Variants in NCOR1 observed in about 807,000 individuals in gnomAD.
The protein encoded by NCOR1 is protein phosphatase 1, regulatory subunit 109.
Under a neutral mutation model 288.1 loss-of-function variants are expected in NCOR1, and 63 were observed. The observed-to-expected ratio is 0.22, with a 90% CI of 0.18 to 0.27. NCOR1 has a LOEUF of 0.27. Among genes scored for constraint, NCOR1 ranks in the 10% least tolerant of loss-of-function variants. The pLI, the probability that NCOR1 is intolerant of heterozygous loss-of-function variation, is 1.00. For synonymous variants in NCOR1, 1,007 were observed against 1,065.9 expected (o/e 0.94, Z 1.08); for missense variants, 2,397 against 3,019.2 (o/e 0.79, Z 4.83).
intron 3 of NCOR1, among the ~76,000 whole-genome samples, chr17:16,179,556 C>A (rs1325865257): frequency 6.6e-6 from 1 of 152,138 alleles, no homozygotes; most frequent in Non-Finnish European, 1.5e-5. Flanking sequence ...AAAATATATA[C>A]CAACTCCTCC....
At chr17:16,143,733 A>T in intron 10 of NCOR1, 37 bp from the exon 11 acceptor site, 1 of 1,441,462 alleles carries the variant, frequency 6.9e-7, no homozygotes, top group Non-Finnish European at 9.6e-7. Flanking sequence ...ATATTTAAAG[A>T]CCTTATATAA....
Position 16,203,959 on chromosome 17 carries a change from A to T in NCOR1, c.-70-9320T>A, listed in dbSNP as rs182512200. On this transcript the variant is annotated intron_variant, in intron 1 of 45. Transcript: ENST00000268712. ...TATGATTTCTTTTTGAATGTCACAG[A>T]ATGATTCTAAAGTTCATCTAGAAGA... Among the ~76,000 whole-genome samples, 421 of 152,300 alleles carry T rather than the reference A, an allele frequency of 2.8e-3. 2 individuals are homozygous for T. The highest frequency in any genetic ancestry group is 9.6e-3 in the African/African-American group (399 of 41,572).
At chr17:16,206,431 G>C (rs1384874412) in intron 1 of NCOR1, among the ~76,000 whole-genome samples, 6 of 151,940 alleles carry the variant, frequency 3.9e-5, no homozygotes, top group African/African-American at 1.2e-4. Context: ...TGTCGCCCAG[G>C]CTGGAGTCCA....
At chr17:16,185,030 G>C (rs895131484) in intron 3 of NCOR1, among the ~76,000 whole-genome samples, 28 of 140,390 alleles carry the variant, frequency 2.0e-4, no homozygotes, top group African/African-American at 7.3e-4. Context: ...AAAAAAAAAG[G>C]AACTATACAA....
chr17:16,127,330 TATATATAC>T (rs2074473692), intron 14 of NCOR1, among the ~76,000 whole-genome samples: 1 of 56,514 alleles, frequency 1.8e-5, no homozygotes, highest in African/African-American at 4.4e-5. Context: ...TATATGTATG[TATATATAC>T]ATGTATGTAT....
intron 35 of NCOR1, among the ~76,000 whole-genome samples, chr17:16,062,947 G>T (rs149040129): frequency 4.6e-5 from 7 of 152,174 alleles, no homozygotes; most frequent in African/African-American, 1.7e-4. Flanking sequence ...ACTACTTCAC[G>T]CAGAGGATTC....
At chr17:16,086,533 C>T in intron 22 of NCOR1, 91 bp from the exon 23 acceptor site, 2 of 1,164,562 alleles carry the variant, frequency 1.7e-6, no homozygotes, top group Non-Finnish European at 1.2e-6. Context: ...ATTTTTAAAT[C>T]ACTAATTAAA....
At position 16,068,033 on chromosome 17, in the gene NCOR1, T is replaced by A; in HGVS notation, c.4602A>T (p.Pro1534=). ...TQRESIPAKS[P]VPGVDPVVSH... ...TCACGACAGGGTCCACCCCAGGCAC[T>A]GGAGACTTCGCTGGGATACTTTCCC... Residue 1534 remains proline, a synonymous_variant, in exon 32 of 46, where the codon CCA becomes CCT. Coordinates refer to ENST00000268712, the MANE Select transcript of NCOR1 (RefSeq NM_006311.4). The A allele has an allele frequency of 6.2e-7, 1 of 1,614,200 alleles. No individual in the cohort carries two copies. Among genetic ancestry groups the A allele is most frequent in the Non-Finnish European group, 8.5e-7 (1 of 1,180,036 alleles).
At chr17:16,150,035 G>T (rs1478484576) in intron 8 of NCOR1, among the ~76,000 whole-genome samples, 1 of 152,050 alleles carries the variant, frequency 6.6e-6, no homozygotes, top group Non-Finnish European at 1.5e-5. Flanking sequence ...GTAATGGAGG[G>T]CAATGTGTCA....
intron 1 of NCOR1, among the ~76,000 whole-genome samples, chr17:16,212,232 C>A (rs576951150): frequency 6.6e-6 from 1 of 151,814 alleles, no homozygotes; most frequent in African/African-American, 2.4e-5. Flanking sequence ...CGCCACTGCC[C>A]TCCAGCCTGG....
chr17:16,199,243 A>ACACACT (rs2090430960), intron 1 of NCOR1, among the ~76,000 whole-genome samples: 1 of 143,702 alleles, frequency 7.0e-6, no homozygotes, highest in African/African-American at 2.5e-5. Context: ...ACACACACAC[A>ACACACT]CTAGCAAAAT....
chr17:16,127,580 T>TACAC (rs1568206150), intron 14 of NCOR1, among the ~76,000 whole-genome samples: 53 of 134,636 alleles, frequency 3.9e-4, no homozygotes, highest in African/African-American at 1.7e-3. Flanking sequence ...TATATATACA[T>TACAC]ATGTGTATAT....
intron 2 of NCOR1, among the ~76,000 whole-genome samples, chr17:16,187,795 T>C (rs1458260744): frequency 6.6e-6 from 1 of 150,966 alleles, no homozygotes; most frequent in Non-Finnish European, 1.5e-5. Flanking sequence ...GGCTACTCTG[T>C]AGGCTAAGGT....
rs534153199 is a variant in NCOR1 at position 16,031,068 on chromosome 17, A to C, written c.*1228T>G. 22 of 192,954 alleles carry C rather than the reference A, an allele frequency of 1.1e-4. No individual in the cohort carries two copies. The highest frequency in any genetic ancestry group is 5.1e-4 in the African/African-American group (22 of 43,238). The allele number at this position is 192,954 out of a possible 1,614,324, so 12.0% of individuals were successfully genotyped here. A position where few individuals can be genotyped will look rare whatever the true frequency, so the allele number is the denominator to read the frequency against. ...AAAATTCAGCAAGCAATTCTTAATG[A>C]AAGATAAAACTGGCCCTCTAGTACC... is the stretch of plus-strand genomic sequence containing the variant. On this transcript the variant is annotated 3_prime_UTR_variant, in exon 46 of 46. Coordinates refer to ENST00000268712, the MANE Select transcript of NCOR1 (RefSeq NM_006311.4).
intron 1 of NCOR1, among the ~76,000 whole-genome samples, chr17:16,208,369 A>G (rs2091802681): frequency 6.6e-6 from 1 of 151,292 alleles, no homozygotes; most frequent in Non-Finnish European, 1.5e-5. Context: ...ACCGTTCTGT[A>G]TTTCTAACTC....
intron 8 of NCOR1, among the ~76,000 whole-genome samples, chr17:16,150,351 T>C (rs1029323096): frequency 2.6e-5 from 4 of 152,102 alleles, no homozygotes; most frequent in African/African-American, 9.7e-5. Flanking sequence ...ACATTTGCTA[T>C]TTCATACAAA....
intron 40 of NCOR1, among the ~76,000 whole-genome samples, chr17:16,055,979 A>G (rs984562470): frequency 6.6e-6 from 1 of 152,168 alleles, no homozygotes; most frequent in African/African-American, 2.4e-5. Context: ...CTCGTCATAC[A>G]CTGAGGATTA....
intron 44 of NCOR1, 74 bp downstream of exon 44, chr17:16,039,359 T>C (rs1171815322): frequency 1.5e-6 from 2 of 1,333,512 alleles, no homozygotes. Flanking sequence ...GTCTTAGTGA[T>C]GCATCAGAAT....
rs978202766 is a variant in NCOR1 at position 16,158,852 on chromosome 17, C to G, written c.640G>C (p.Ala214Pro). ...GGCTTCTCAGGCTCAGGAGGTTTAG[C>G]TGCCTCTTCTTCAAGCTGTTGCTAA... Reference protein sequence around the residue: ...KKQQQLEEEAAKPPEPEKPVS... With the variant: ...KKQQQLEEEAPKPPEPEKPVS... The change falls in exon 6 of 46, where the codon GCT becomes CCT. Residue 214 changes from alanine (A) to proline (P), a missense_variant. By Grantham distance (27) the Ala-to-Pro change is conservative. Transcript: ENST00000268712. The G allele has an allele frequency of 5.6e-6, 9 of 1,613,962 alleles. No homozygotes were observed. The highest frequency in any genetic ancestry group is 6.8e-6 in the Non-Finnish European group (8 of 1,179,902).
Sources: allele counts gnomAD v4.1 joint callset (sites outside exome capture counted in the v4.1 genomes callset), GRCh38; gene constraint gnomAD v4.1.1; transcripts MANE v1.5; gene names NCBI Gene and HGNC (gene_info 2026-07-23, HGNC 2026-07-21).